Variants in HOXB6 observed in about 807,000 individuals in gnomAD.
HOXB6 encodes homeobox protein Hox-B6.
Under a neutral mutation model 24.2 loss-of-function variants are expected in HOXB6, and 18 were observed. The observed-to-expected ratio is 0.74, with a 90% confidence interval of 0.51 to 1.10. The LOEUF (loss-of-function observed/expected upper bound fraction) is 1.10, where lower values mean the gene tolerates loss of function less well. Among genes scored for constraint, HOXB6 ranks in the 50% least tolerant of loss-of-function variants. The probability of loss-of-function intolerance (pLI) is 0.00; values close to 1 mark genes in which losing one functional copy is unlikely to be tolerated. For missense variants in HOXB6, 332 were observed against 308.3 expected, an observed-to-expected ratio of 1.08 and a Z score of -0.58; for synonymous variants, 159 against 139.1, an observed-to-expected ratio of 1.14 and a Z score of -1.01.
At position 48,595,897 on chromosome 17, in the gene HOXB6, G is replaced by T. The variant is rs538654589; in HGVS notation, c.*516C>A. 6 of 318,070 alleles carry T rather than the reference G, an allele frequency of 1.9e-5. No homozygotes were observed. The highest frequency in any genetic ancestry group is 5.2e-5 in the South Asian group (2 of 38,410). The allele number at this position is 318,070 out of a possible 1,614,324, so 19.7% of individuals were successfully genotyped here. A position where few individuals can be genotyped will look rare whatever the true frequency, so the allele number is the denominator to read the frequency against. Reference sequence around the variant, plus strand: ...CAACACATAGAAAATTAATAAAATAGAACTTTGTTTTCTTCTGAGGCTCCT... The same window carrying T: ...CAACACATAGAAAATTAATAAAATATAACTTTGTTTTCTTCTGAGGCTCCT... On this transcript the variant is annotated 3_prime_UTR_variant, in exon 4 of 4. Transcript: ENST00000225648.
intron 3 of HOXB6, among the ~76,000 whole-genome samples, chr17:48,597,415 C>G (rs1297838635): frequency 6.6e-6 from 1 of 152,108 alleles, no homozygotes; most frequent in Non-Finnish European, 1.5e-5. Flanking sequence ...GTTGGGGGCT[C>G]AAAGTAAAGC....
chr17:48,597,000 C>CGGGGG lies in HOXB6; in HGVS notation c.416-329_416-328insCCCCC. On this transcript the variant is annotated intron_variant, in intron 3 of 3. Coordinates refer to ENST00000225648, the MANE Select transcript of HOXB6 (RefSeq NM_018952.5). The surrounding 1 kb of genome is among the most constrained non-coding windows in gnomAD (Gnocchi z 4.8). ...TTCCATCCATCTTGTTCCCACCCCC[C>CGGGGG]GTCATCCCCCCAACCCAATGATAAA... is the stretch of plus-strand genomic sequence containing the variant. 8.3e-7 allele frequency: 1 copy of CGGGGG among 1,201,868 alleles called. No homozygotes were observed. Among genetic ancestry groups the CGGGGG allele is most frequent in the Non-Finnish European group, 1.1e-6 (1 of 939,070 alleles). 74.5% of individuals were successfully genotyped at this position (1,201,868 alleles called of 1,614,324 possible).
intron 2 of HOXB6, chr17:48,601,797 C>T: frequency 4.8e-6 from 1 of 206,832 alleles, no homozygotes; most frequent in South Asian, 6.7e-5. Context: ...TGGAACCCCA[C>T]CCCCACCCAG....
intron 2 of HOXB6, among the ~76,000 whole-genome samples, 187 bp from the exon 3 acceptor site, chr17:48,598,415 T>A (rs2070375528): frequency 6.6e-6 from 1 of 152,004 alleles, no homozygotes; most frequent in Non-Finnish European, 1.5e-5. Flanking sequence ...CAACCTTTTT[T>A]TTTTTCCTCC....
At position 48,596,831 on chromosome 17, in the gene HOXB6, T is replaced by G; in HGVS notation, c.416-159A>C. 2.3e-5 allele frequency: 29 copies of G among 1,279,724 alleles called. No individual in the cohort carries two copies. The highest frequency in any genetic ancestry group is 2.6e-5 in the East Asian group (1 of 38,406). The allele number at this position is 1,279,724 out of a possible 1,614,324, so 79.3% of individuals were successfully genotyped here. ...GCACTCCTCCAGCGCCCCCTCCAGA[T>G]TCCCTCCTAGTCTCCTAGGCCTGTG... is the stretch of plus-strand genomic sequence containing the variant. On this transcript the variant is annotated intron_variant, in intron 3 of 3. Coordinates refer to ENST00000225648, the MANE Select transcript of HOXB6 (RefSeq NM_018952.5). The surrounding 1 kb of genome is among the most constrained non-coding windows in gnomAD (Gnocchi z 4.8).
Position 48,595,887 on chromosome 17 carries a change from T to C in HOXB6, c.*526A>G, listed in dbSNP as rs1555644230. 4 of 313,840 alleles carry C rather than the reference T, an allele frequency of 1.3e-5. No individual in the cohort carries two copies. The highest frequency in any genetic ancestry group is 4.5e-5 in the Admixed American group (1 of 22,356). 19.4% of individuals were successfully genotyped at this position (313,840 alleles called of 1,614,324 possible). A position where few individuals can be genotyped will look rare whatever the true frequency, so the allele number is the denominator to read the frequency against. On this transcript the variant is annotated 3_prime_UTR_variant, in exon 4 of 4. Transcript: ENST00000225648. ...ACTACAAACACAACACATAGAAAAT[T>C]AATAAAATAGAACTTTGTTTTCTTC...
intron 2 of HOXB6, chr17:48,600,382 A>G (rs2070429915): frequency 2.2e-6 from 1 of 446,834 alleles, no homozygotes. Context: ...TCCCTGTGTC[A>G]GAAGCAGGGA....
intron 2 of HOXB6, chr17:48,600,619 C>T (rs1323776698): frequency 2.5e-5 from 11 of 442,474 alleles, no homozygotes; most frequent in South Asian, 4.7e-5. Context: ...GGCCAGAGAC[C>T]GACTCCTTTC....
At chr17:48,598,864 TC>T (rs1274469253) in intron 2 of HOXB6, among the ~76,000 whole-genome samples, 2 of 152,214 alleles carry the variant, frequency 1.3e-5, no homozygotes, top group African/African-American at 2.4e-5. Context: ...GGCTTATTGT[TC>T]CTGCTTCTCC....
chr17:48,598,873 T>C (rs1338211160), intron 2 of HOXB6, among the ~76,000 whole-genome samples: 1 of 152,216 alleles, frequency 6.6e-6, no homozygotes, highest in African/African-American at 2.4e-5. Flanking sequence ...TTCCTGCTTC[T>C]CCACAACCCT....
chr17:48,597,403 G>C (rs2070331657), intron 3 of HOXB6, among the ~76,000 whole-genome samples: 1 of 152,144 alleles, frequency 6.6e-6, no homozygotes, highest in African/African-American at 2.4e-5. Context: ...TGGGAGAGGG[G>C]GGTTGGGGGC....
chr17:48,602,700 C>T (rs906765556), intron 2 of HOXB6, among the ~76,000 whole-genome samples: 47 of 152,354 alleles, frequency 3.1e-4, no homozygotes, highest in Non-Finnish European at 3.7e-4. Flanking sequence ...CGTCGGGCAC[C>T]TCTGGACAGT....
At position 48,597,874 on chromosome 17, in the gene HOXB6, C is replaced by G; in HGVS notation, c.277G>C (p.Ala93Pro). Residue 93 changes from alanine to proline, a missense_variant, in exon 3 of 4, where the codon GCC (alanine) becomes CCC (proline). Transcript: ENST00000225648. ...GGGTGGAACGGGGGCTGCTCGTCGG[C>G]GCCGGAGAGTGCGCAGGCCGACTCT... is the stretch of plus-strand genomic sequence containing the variant. ...EKESACALSG[A>P]DEQPPFHPEP... 6.3e-7 allele frequency: 1 copy of G among 1,591,130 alleles called. No homozygotes were observed.
At chr17:48,602,058 T>C (rs994454516) in intron 2 of HOXB6, 1 of 454,578 alleles carries the variant, frequency 2.2e-6, no homozygotes, top group African/African-American at 2.0e-5. Context: ...ACCAAATTTT[T>C]CCCAAATCAT....
At chr17:48,604,401 G>A (rs9912500) in intron 2 of HOXB6, 79 bp downstream of exon 2, 30,856 of 152,250 alleles carry the variant, frequency 0.2, 3,375 homozygotes, top group African/African-American at 0.28. Context: ...GGGGGAGGAG[G>A]GAGAAAAACC....
chr17:48,601,221 C>T (rs1285167313), intron 2 of HOXB6, among the ~76,000 whole-genome samples: 1 of 152,054 alleles, frequency 6.6e-6, no homozygotes, highest in Non-Finnish European at 1.5e-5. Context: ...GTTTGGGGAA[C>T]ATAAATAAAT....
chr17:48,596,753 C>T lies in HOXB6; in HGVS notation c.416-81G>A. The T allele has an allele frequency of 6.3e-7, 1 of 1,583,024 alleles. No homozygotes were observed. On this transcript the variant is annotated intron_variant, in intron 3 of 3. Transcript: ENST00000225648. The surrounding 1 kb of genome is among the most constrained non-coding windows in gnomAD (Gnocchi z 4.8). ...CCCCTAGTCGACCCTCGAACACAGACTCCAGCCAGTACCGGGATGCCCTCT... is the reference window on the plus strand; with the variant it reads ...CCCCTAGTCGACCCTCGAACACAGATTCCAGCCAGTACCGGGATGCCCTCT...
chr17:48,598,480 C>T (rs1453436416), intron 2 of HOXB6, among the ~76,000 whole-genome samples: 2 of 152,116 alleles, frequency 1.3e-5, no homozygotes, highest in Non-Finnish European at 2.9e-5. Flanking sequence ...TCCTGTTCCA[C>T]CTACGTAGGA....
intron 2 of HOXB6, chr17:48,601,378 G>A (rs1026035290): frequency 6.6e-6 from 1 of 151,448 alleles, no homozygotes; most frequent in South Asian, 2.1e-4. Flanking sequence ...TTGATCTTTA[G>A]GGGAGTGAGC....
Sources: allele counts gnomAD v4.1 joint callset (sites outside exome capture counted in the v4.1 genomes callset), GRCh38; gene constraint gnomAD v4.1.1; non-coding constraint Gnocchi (gnomAD v3.1); transcripts MANE v1.5; gene names NCBI Gene and HGNC (gene_info 2026-07-23, HGNC 2026-07-21).